Variants in DUS4L observed in about 807,000 individuals in gnomAD.
The protein encoded by DUS4L is dihydrouridine synthase 4 like, also known as tRNA-dihydrouridine(20a/20b) synthase [NAD(P)+]-like.
A neutral mutation model predicts 33.8 loss-of-function variants in DUS4L; 31 were observed. That is an observed-to-expected ratio of 0.92 (90% CI 0.69 to 1.24). The LOEUF (loss-of-function observed/expected upper bound fraction) is 1.24, where lower values mean the gene tolerates loss of function less well. DUS4L is among the 50% of genes most tolerant of loss of function. DUS4L has a pLI of 0.00. For synonymous variants in DUS4L, 103 were observed against 120.3 expected (o/e 0.86, Z 0.94); for missense variants, 368 against 388.6 (o/e 0.95, Z 0.45).
In DUS4L at chr7:107,576,401, G is replaced by T. The variant is rs1342291623; in HGVS notation, c.515G>T (p.Cys172Phe). Residue 172 changes from cysteine (C) to phenylalanine (F), a missense_variant, in exon 7 of 8, where the codon TGT becomes TTT. By Grantham distance (205) the Cys-to-Phe change is radical. Coordinates refer to ENST00000265720, the MANE Select transcript of DUS4L (RefSeq NM_181581.3). The part of the protein sequence containing the change: ...HDDLKRTVDL[C>F]QKAEATGVSW... ...GACCTTAAAAGAACTGTAGATCTTTGTCAAAAGGCTGAAGCAACAGGAGTT... is the reference window on the plus strand; with the variant it reads ...GACCTTAAAAGAACTGTAGATCTTTTTCAAAAGGCTGAAGCAACAGGAGTT... 1 of 1,609,426 alleles carries T rather than the reference G, an allele frequency of 6.2e-7. No individual in the cohort carries two copies. The highest frequency in any genetic ancestry group is 8.5e-7 in the Non-Finnish European group (1 of 1,179,018).
intron 3 of DUS4L, chr7:107,567,632 GT>G (rs1804829652): frequency 4.0e-6 from 1 of 251,746 alleles, no homozygotes; most frequent in African/African-American, 2.3e-5. Flanking sequence ...TTTTTTAGAA[GT>G]TTGTTATAAA....
intron 6 of DUS4L, 24 bp downstream of exon 6, chr7:107,575,334 T>TGATAGGATAATCCATTACTTAG: frequency 1.2e-6 from 2 of 1,606,546 alleles, no homozygotes; most frequent in Non-Finnish European, 1.7e-6. Context: ...TTCAATCTAT[T>TGATAGGATAATCCATTACTTAG]GATAGGATAA....
Position 107,575,205 on chromosome 7 carries a change from G to T in DUS4L, c.374G>T (p.Gly125Val). The T allele has an allele frequency of 1.2e-6, 2 of 1,609,390 alleles. No individual in the cohort carries two copies. The highest frequency in any genetic ancestry group is 1.7e-6 in the Non-Finnish European group (2 of 1,178,966). ...TTACAAAGGTGGGCAATGGCAGAAG[G>T]TTATGGGGCTTGCTTAATAAACAAG... ...GCPQRWAMAE[G>V]YGACLINKPE... The change falls in exon 6 of 8, where the codon GGT (glycine) becomes GTT (valine). Residue 125 changes from glycine to valine, a missense_variant. Transcript: ENST00000265720.
intron 7 of DUS4L, 66 bp from the exon 8 acceptor site, chr7:107,577,247 T>C (rs1805833875): frequency 2.7e-5 from 42 of 1,581,980 alleles, no homozygotes; most frequent in Non-Finnish European, 3.4e-5. Flanking sequence ...GTTTGCTTCA[T>C]TGAGCTTGAA....
intron 6 of DUS4L, chr7:107,575,523 A>T: frequency 5.2e-6 from 2 of 385,272 alleles, no homozygotes; most frequent in Non-Finnish European, 8.7e-6. Context: ...TTTTAACAAA[A>T]GTTAAAGCCT....
Position 107,569,267 on chromosome 7 carries a change from C to T in DUS4L, c.117-1878C>T, listed in dbSNP as rs572231113. Among the ~76,000 whole-genome samples the T allele has an allele frequency of 1.7e-4, 26 of 152,288 alleles. No homozygotes were observed. In the South Asian group the frequency reaches 4.8e-3, roughly 28 times the overall value. On this transcript the variant is annotated intron_variant, in intron 3 of 7. Coordinates refer to ENST00000265720, the MANE Select transcript of DUS4L (RefSeq NM_181581.3). Reference sequence around the variant, plus strand: ...AATTCTTTGCTTCTTTGTGAGAAATCAGCATTTTCTGTTTTGTTCCATTGA... The same window carrying T: ...AATTCTTTGCTTCTTTGTGAGAAATTAGCATTTTCTGTTTTGTTCCATTGA...
chr7:107,563,982 C>A lies in DUS4L; in HGVS notation c.-338C>A. On this transcript the variant is annotated 5_prime_UTR_variant, in exon 1 of 8. Coordinates refer to ENST00000265720, the MANE Select transcript of DUS4L (RefSeq NM_181581.3). Reference sequence around the variant, plus strand: ...AGAATCCCGGCGCCGCCCGCCCACCCAGCCCATGGCTCCAGGCCCACCTGG... The same window carrying A: ...AGAATCCCGGCGCCGCCCGCCCACCAAGCCCATGGCTCCAGGCCCACCTGG... The A allele has an allele frequency of 1.3e-6, 2 of 1,545,764 alleles. No individual in the cohort carries two copies. Among genetic ancestry groups the A allele is most frequent in the East Asian group, 2.4e-5 (1 of 41,832 alleles).
chr7:107,569,254 CTTT>C (rs1804983162), intron 3 of DUS4L, among the ~76,000 whole-genome samples: 2 of 152,310 alleles, frequency 1.3e-5, no homozygotes, highest in Admixed American at 6.5e-5. Flanking sequence ...TTCTTTGCTT[CTTT>C]GTGAGAAATC....
intron 3 of DUS4L, among the ~76,000 whole-genome samples, chr7:107,568,132 T>C (rs1804882042): frequency 6.6e-6 from 1 of 152,210 alleles, no homozygotes; most frequent in Non-Finnish European, 1.5e-5. Context: ...CAAATACCCA[T>C]ATACAAATAC....
intron 2 of DUS4L, among the ~76,000 whole-genome samples, chr7:107,565,345 T>C (rs891146083): frequency 1.3e-5 from 2 of 152,218 alleles, no homozygotes; most frequent in Non-Finnish European, 2.9e-5. Flanking sequence ...ATTTACTTAT[T>C]CCAGTAATTC....
chr7:107,575,476 T>A, intron 6 of DUS4L, 166 bp downstream of exon 6: 1 of 680,606 alleles, frequency 1.5e-6, no homozygotes. Flanking sequence ...TATACCATAA[T>A]TTTCATTTAT....
Position 107,563,975 on chromosome 7 carries a change from G to T in DUS4L, c.-345G>T. On this transcript the variant is annotated 5_prime_UTR_variant, in exon 1 of 8. Transcript: ENST00000265720. ...GTGACGCAGAATCCCGGCGCCGCCC[G>T]CCCACCCAGCCCATGGCTCCAGGCC... The T allele has an allele frequency of 4.0e-6, 3 of 757,806 alleles. No homozygotes were observed. Among genetic ancestry groups the T allele is most frequent in the Non-Finnish European group, 2.1e-6 (1 of 477,008 alleles). 46.9% of individuals were successfully genotyped at this position (757,806 alleles called of 1,614,324 possible).
intron 3 of DUS4L, 50 bp from the exon 4 acceptor site, chr7:107,571,095 T>C (rs1805188729): frequency 6.2e-7 from 1 of 1,609,100 alleles, no homozygotes; most frequent in African/African-American, 1.3e-5. Context: ...TGCACTAAAA[T>C]ATGTTTGTGG....
Position 107,571,146 on chromosome 7 carries a change from T to C in DUS4L, c.118T>C (p.Leu40=). 6.2e-7 allele frequency: 1 copy of C among 1,613,606 alleles called. No individual in the cohort carries two copies. Among genetic ancestry groups the C allele is most frequent in the Non-Finnish European group, 8.5e-7 (1 of 1,179,876 alleles). ...AATTAAGGTTTTATATGCTCACAGG[T>C]TGGCTTTTAGGACACTAGTAAGAAA... ...VCAPMVRYSK[L]AFRTLVRKYS... is the part of the protein sequence containing the mutation. Residue 40 remains leucine (L), a splice_region_variant and synonymous_variant, in exon 4 of 8, where the codon TTG becomes CTG. Coordinates refer to ENST00000265720, the MANE Select transcript of DUS4L (RefSeq NM_181581.3).
rs372022454 is a variant in DUS4L at position 107,576,123 on chromosome 7, T to C, written c.480-243T>C. On this transcript the variant is annotated intron_variant, in intron 6 of 7. Transcript: ENST00000265720. ...TCTTTCATTTATCAAAGCCAAAACA[T>C]AGAAGCACTAGGTCTAAGATAAAAC... Among the ~76,000 whole-genome samples the C allele has an allele frequency of 1.1e-4, 16 of 152,348 alleles. No homozygotes were observed. The South Asian group carries it at 3.1e-3, about 30-fold the overall frequency.
Position 107,573,601 on chromosome 7 carries a change from A to T in DUS4L, c.239-103A>T, listed in dbSNP as rs748972453. 105 of 1,134,286 alleles carry T rather than the reference A, an allele frequency of 9.3e-5. 1 individual carries two copies. Among genetic ancestry groups the T allele is most frequent in the South Asian group, 8.7e-4 (31 of 35,488 alleles). 70.3% of individuals were successfully genotyped at this position (1,134,286 alleles called of 1,614,324 possible). ...TGGACAGATGCTTCTTAGGCTAAAAAATCGTTATTGCTATTTTATCCTGTA... is the reference window on the plus strand; with the variant it reads ...TGGACAGATGCTTCTTAGGCTAAAATATCGTTATTGCTATTTTATCCTGTA... On this transcript the variant is annotated intron_variant, in intron 4 of 7. Transcript: ENST00000265720.
chr7:107,574,346 C>CTTT (rs761005292), intron 5 of DUS4L, among the ~76,000 whole-genome samples: 5 of 125,982 alleles, frequency 4.0e-5, no homozygotes, highest in Admixed American at 1.6e-4. Context: ...AATAATATTT[C>CTTT]TTTTTTTTTT....
Position 107,567,120 on chromosome 7 carries a change from A to G in DUS4L, c.50A>G (p.Asp17Gly). ...ACAATATGTCAGGAAAGAAAAAAAG[A>G]TCCCATAGAAATGTTTCATTCTGGA... ...QTTICQERKK[D>G]PIEMFHSGQL... The change falls in exon 3 of 8, where the codon GAT becomes GGT. Residue 17 changes from aspartate to glycine, a missense_variant. Transcript: ENST00000265720. 6.2e-7 allele frequency: 1 copy of G among 1,613,736 alleles called. No homozygotes were observed. The highest frequency in any genetic ancestry group is 1.1e-5 in the South Asian group (1 of 91,060).
chr7:107,566,519 A>G (rs1804717759), intron 2 of DUS4L, among the ~76,000 whole-genome samples: 1 of 152,214 alleles, frequency 6.6e-6, no homozygotes, highest in Admixed American at 6.5e-5. Context: ...ATTTTTAAAA[A>G]TAATTAACGT....
Sources: gnomAD v4.1 joint callset for allele counts (sites outside exome capture counted in the v4.1 genomes callset) on GRCh38, gnomAD v4.1.1 for gene constraint, MANE v1.5 for transcripts, NCBI Gene and HGNC (gene_info 2026-07-23, HGNC 2026-07-21) for gene names.